TBC1D30: variants seen among roughly 807,000 people sequenced by gnomAD.
The protein encoded by TBC1D30 is TBC1 domain family, member 30.
TBC1D30 carries 31 observed loss-of-function variants against 63.2 expected under a neutral mutation model. The observed-to-expected ratio is 0.49, with a 90% CI of 0.37 to 0.66. The LOEUF is 0.66. Among genes scored for constraint, TBC1D30 ranks in the 30% least tolerant of loss-of-function variants. The pLI, the probability that TBC1D30 is intolerant of heterozygous loss-of-function variation, is 0.00. For missense variants in TBC1D30, 810 were observed against 953.6 expected (o/e 0.85, Z 1.98); for synonymous variants, 307 against 361.5 (o/e 0.85, Z 1.71).
At chr12:64,782,761 T>C (rs768822904) in intron 1 of TBC1D30, among the ~76,000 whole-genome samples, 22 of 152,336 alleles carry the variant, frequency 1.4e-4, no homozygotes, top group Admixed American at 9.1e-4. Context: ...CCACAAGCCC[T>C]GTAATAGTTC....
chr12:64,799,065 G>T (rs142927921), intron 2 of TBC1D30, among the ~76,000 whole-genome samples: 1 of 151,856 alleles, frequency 6.6e-6, no homozygotes, highest in Admixed American at 6.6e-5. Flanking sequence ...TGCCCGCCTC[G>T]GCCTCCCAAA....
chr12:64,832,019 TC>T (rs879734699), intron 4 of TBC1D30, 99 bp from the exon 5 acceptor site: 17 of 1,176,248 alleles, frequency 1.4e-5, no homozygotes, highest in Middle Eastern at 2.2e-4. Context: ...AAATTTTATG[TC>T]GATGATTTGA....
chr12:64,872,462 AT>A (rs1336703018), intron 11 of TBC1D30, among the ~76,000 whole-genome samples: 1 of 152,188 alleles, frequency 6.6e-6, no homozygotes, highest in Non-Finnish European at 1.5e-5. Flanking sequence ...CCTTCTTCAG[AT>A]CATGGTTGAT....
Position 64,811,654 on chromosome 12 carries a change from C to T in TBC1D30, c.644-16181C>T, listed in dbSNP as rs116012161. 2.1e-3 allele frequency among the ~76,000 whole-genome samples: 322 copies of T among 152,264 alleles called. 1 individual carries two copies. Among genetic ancestry groups the T allele is most frequent in the African/African-American group, 7.4e-3 (309 of 41,524 alleles). On this transcript the variant is annotated intron_variant, in intron 2 of 12. Transcript: ENST00000542120. Reference sequence around the variant, plus strand: ...AGCCATGGCATCGTATAAGATAGAGCCAGTATTTGTAGCCCTTACCTGAGA... The same window carrying T: ...AGCCATGGCATCGTATAAGATAGAGTCAGTATTTGTAGCCCTTACCTGAGA...
chr12:64,832,849 G>A (rs962677132), intron 5 of TBC1D30, among the ~76,000 whole-genome samples: 1 of 152,176 alleles, frequency 6.6e-6, no homozygotes, highest in Non-Finnish European at 1.5e-5. Flanking sequence ...ATAGTTCCTT[G>A]CCATGTAGCC....
intron 1 of TBC1D30, among the ~76,000 whole-genome samples, chr12:64,768,021 G>A (rs1255896399): frequency 6.6e-6 from 1 of 152,166 alleles, no homozygotes; most frequent in Non-Finnish European, 1.5e-5. Context: ...GCCCATATAT[G>A]AAAGGCTGCC....
intron 5 of TBC1D30, among the ~76,000 whole-genome samples, chr12:64,834,707 CTTTTTTTTTTTTT>C (rs11374555): frequency 6.5e-5 from 5 of 76,342 alleles, no homozygotes; most frequent in African/African-American, 1.5e-4. Context: ...CCGTGCCGGG[CTTTTTTTTTTTTT>C]TTTTTTTTTT....
intron 5 of TBC1D30, among the ~76,000 whole-genome samples, chr12:64,833,790 G>A (rs1284685993): frequency 1.3e-5 from 2 of 152,052 alleles, no homozygotes; most frequent in Non-Finnish European, 2.9e-5. Flanking sequence ...AGGGAGGAAG[G>A]CAGTGACAAA....
chr12:64,825,123 G>C (rs1326358457), intron 1 of TBC1D30, 90 bp downstream of exon 1: 2 of 1,431,282 alleles, frequency 1.4e-6, no homozygotes, highest in Non-Finnish European at 1.8e-6. Context: ...TCTAGGCCGG[G>C]GAGCTCTGGG....
At chr12:64,852,924 G>T (rs937361824) in intron 8 of TBC1D30, among the ~76,000 whole-genome samples, 2 of 152,180 alleles carry the variant, frequency 1.3e-5, no homozygotes, top group African/African-American at 4.8e-5. Flanking sequence ...GGTGTCTGTT[G>T]ACCCCTGCTG....
chr12:64,851,634 T>A (rs1391265760), intron 8 of TBC1D30, among the ~76,000 whole-genome samples: 1 of 152,240 alleles, frequency 6.6e-6, no homozygotes, highest in Non-Finnish European at 1.5e-5. Flanking sequence ...GTCTTTACAA[T>A]TTGGTATGTT....
chr12:64,810,718 A>G (rs1050648370), intron 2 of TBC1D30, among the ~76,000 whole-genome samples: 1 of 152,262 alleles, frequency 6.6e-6, no homozygotes, highest in African/African-American at 2.4e-5. Flanking sequence ...CATGAAAGAA[A>G]ACAGGCAATG....
intron 2 of TBC1D30, among the ~76,000 whole-genome samples, chr12:64,813,402 A>G (rs1248433841): frequency 6.6e-6 from 1 of 152,038 alleles, no homozygotes; most frequent in Non-Finnish European, 1.5e-5. Flanking sequence ...CAACAACAAC[A>G]ACAACAACAA....
chr12:64,781,176 G>A, exon 1 of TBC1D30: 1 of 1,049,878 alleles, frequency 9.5e-7, no homozygotes, highest in Non-Finnish European at 1.2e-6. Flanking sequence ...GAGGCCTCGG[G>A]CTCCGACGTG....
At chr12:64,826,062 T>C (rs1874315095) in intron 1 of TBC1D30, among the ~76,000 whole-genome samples, 4 of 151,942 alleles carry the variant, frequency 2.6e-5, no homozygotes, top group Admixed American at 2.6e-4. Flanking sequence ...ACCATCTTCC[T>C]TTACCTCTTT....
chr12:64,802,681 G>GT, intron 2 of TBC1D30, among the ~76,000 whole-genome samples: 1 of 152,082 alleles, frequency 6.6e-6, no homozygotes, highest in East Asian at 1.9e-4. Flanking sequence ...GGTGTGTGAT[G>GT]TTCCCCATCC....
At position 64,875,731 on chromosome 12, in the gene TBC1D30, A is replaced by G. The variant is rs1423262911; in HGVS notation, c.2229A>G (p.Gln743=). 6.5e-7 allele frequency: 1 copy of G among 1,535,982 alleles called. No individual in the cohort carries two copies. The highest frequency in any genetic ancestry group is 2.4e-5 in the East Asian group (1 of 40,926). The change falls in exon 12 of 12, where the codon CAA becomes CAG. Residue 743 remains glutamine (Q), a synonymous_variant. Transcript: ENST00000539867. The part of the protein sequence containing the change: ...TERTPTVHFP[Q]MSRSFSKPGG... Reference sequence around the variant, plus strand: ...GAACCCCAACTGTGCACTTTCCTCAAATGAGTAGGAGCTTCAGCAAACCCG... The same window carrying G: ...GAACCCCAACTGTGCACTTTCCTCAGATGAGTAGGAGCTTCAGCAAACCCG...
chr12:64,763,495 T>C (rs1456514301), intron 1 of TBC1D30, among the ~76,000 whole-genome samples: 2 of 152,202 alleles, frequency 1.3e-5, no homozygotes, highest in African/African-American at 2.4e-5. Context: ...TCTTAATGAA[T>C]TACTGTTTTT....
intron 1 of TBC1D30, among the ~76,000 whole-genome samples, chr12:64,763,277 A>C (rs924750847): frequency 4.6e-5 from 7 of 152,190 alleles, no homozygotes; most frequent in East Asian, 1.9e-4. Context: ...TGTGAGATCA[A>C]ATCGAAAGAA....
Sources: gnomAD v4.1 joint callset for allele counts (sites outside exome capture counted in the v4.1 genomes callset) on GRCh38, gnomAD v4.1.1 for gene constraint, MANE v1.5 for transcripts, NCBI Gene and HGNC (gene_info 2026-07-23, HGNC 2026-07-21) for gene names.